Variants in ADAD2 observed in about 807,000 individuals in gnomAD.
ADAD2 encodes the protein adenosine deaminase domain-containing protein 2.
Under a neutral mutation model 54.5 loss-of-function variants are expected in ADAD2, and 60 were observed. The observed-to-expected ratio is 1.10, with a 90% CI of 0.89 to 1.36. The LOEUF is 1.36. ADAD2 is among the 40% of genes most tolerant of loss of function. ADAD2 has a pLI of 0.00. For missense variants in ADAD2, 1,103 were observed against 801.3 expected, an observed-to-expected ratio of 1.38 and a Z score of -4.54; for synonymous variants, 543 against 366.2, an observed-to-expected ratio of 1.48 and a Z score of -5.51.
chr16:84,193,807 A>G (rs1485934220), intron 1 of ADAD2: 1 of 539,076 alleles, frequency 1.9e-6, no homozygotes, highest in Non-Finnish European at 3.3e-6. Context: ...TAGAGCAGAC[A>G]GATCTCAGCG....
Position 84,194,599 on chromosome 16 carries a change from C to A in ADAD2, c.559+17C>A, listed in dbSNP as rs755143271. ...AGAACCCAGGTAATGGAGGGAGGGC[C>A]AGGCAGCTGAGCCGCAGCTGGGGAC... On this transcript the variant is annotated intron_variant, in intron 2 of 9. Coordinates refer to ENST00000315906, the MANE Select transcript of ADAD2 (RefSeq NM_001145400.2). The A allele has an allele frequency of 6.3e-7, 1 of 1,593,532 alleles. No homozygotes were observed. Among genetic ancestry groups the A allele is most frequent in the East Asian group, 2.3e-5 (1 of 44,006 alleles).
chr16:84,196,484 C>T (rs961464398), intron 8 of ADAD2, 114 bp downstream of exon 8: 31 of 606,564 alleles, frequency 5.1e-5, no homozygotes, highest in East Asian at 4.3e-4. Flanking sequence ...TCAACCCCTT[C>T]GCTCAACCCC....
intron 1 of ADAD2, chr16:84,193,799 G>C (rs574659305): frequency 9.7e-6 from 5 of 516,328 alleles, no homozygotes; most frequent in African/African-American, 7.5e-5. Context: ...TGCCTGTTTA[G>C]AGCAGACAGA....
At position 84,195,115 on chromosome 16, in the gene ADAD2, C is replaced by A; in HGVS notation, c.654C>A (p.Ala218=). The A allele has an allele frequency of 6.2e-7, 1 of 1,613,724 alleles. No individual in the cohort carries two copies. ...AGCGCTGCGCAGCGTTGGTGAGCGC[C>A]GGCTTTGACCTCCTGTTGGACGAGC... ...HEQRCAALVS[A]GFDLLLDERS... The change falls in exon 4 of 10, where the codon GCC becomes GCA. Residue 218 remains alanine, a synonymous_variant. Coordinates refer to ENST00000315906, the MANE Select transcript of ADAD2 (RefSeq NM_001145400.2).
chr16:84,196,695 G>A lies in ADAD2; in HGVS notation c.1575G>A (p.Arg525=), dbSNP rs2089735591. ...GTCTCTGCAAGGCCTCCTTTCTCCG[G>A]GCCTTTCACCAGGCGGCCAGGGCTG... ...PSRLCKASFL[R]AFHQAARAVG... is the part of the protein sequence containing the mutation. The change falls in exon 9 of 10, where the codon CGG becomes CGA. Residue 525 remains arginine, a synonymous_variant. Transcript: ENST00000315906. 2 of 1,613,238 alleles carry A rather than the reference G, an allele frequency of 1.2e-6. No homozygotes were observed. Among genetic ancestry groups the A allele is most frequent in the Non-Finnish European group, 1.7e-6 (2 of 1,179,994 alleles).
chr16:84,194,744 G>C (rs771605132), intron 2 of ADAD2, 162 bp downstream of exon 2: 1 of 1,351,260 alleles, frequency 7.4e-7, no homozygotes, highest in African/African-American at 1.4e-5. Flanking sequence ...AGCTGGGGCG[G>C]GGTACATGTG....
chr16:84,195,885 C>T lies in ADAD2; in HGVS notation c.1123C>T (p.Gln375Ter), dbSNP rs1334481461. The T allele has an allele frequency of 6.2e-7, 1 of 1,603,850 alleles. No individual in the cohort carries two copies. The highest frequency in any genetic ancestry group is 1.7e-5 in the Admixed American group (1 of 59,950). Residue 375 changes from glutamine (Q) to a stop codon, truncating the protein, a stop_gained, in exon 7 of 10, where the codon CAG (glutamine) becomes TAG (stop). Transcript: ENST00000315906. LOFTEE classifies it high-confidence loss of function. The stretch of plus-strand genomic sequence containing the variant: ...GCGCCTGCAGGCCCATGTGCTCGGG[C>T]AGCTGAAGCCTGTGTGCTACGTGGC... ...PMRLQAHVLGQLKPVCYVAPS... is the reference protein window; with the variant it reads ...PMRLQAHVLG
chr16:84,193,625 G>C (rs2089685967), intron 1 of ADAD2: 1 of 166,674 alleles, frequency 6.0e-6, no homozygotes. Flanking sequence ...GAGGCATTTG[G>C]AGATCATGTA....
In ADAD2 at chr16:84,196,239, C is replaced by G. The variant is rs770888310; in HGVS notation, c.1395C>G (p.His465Gln). ...LPPPYVRTAL[H>Q]LFAGPPVAPS... is the part of the protein sequence containing the mutation. ...CTCCCTACGTCCGGACCGCCCTGCA[C>G]CTGTTTGCAGGGCCCCCGGTGGCCC... Residue 465 changes from histidine (H) to glutamine (Q), a missense_variant, in exon 8 of 10, where the codon CAC becomes CAG. Coordinates refer to ENST00000315906, the MANE Select transcript of ADAD2 (RefSeq NM_001145400.2). 1 of 1,612,358 alleles carries G rather than the reference C, an allele frequency of 6.2e-7. No homozygotes were observed.
At chr16:84,194,040 G>A in intron 1 of ADAD2, 2 of 1,604,250 alleles carry the variant, frequency 1.2e-6, no homozygotes, top group Non-Finnish European at 8.5e-7. Context: ...CTGGAGGAGA[G>A]GAATTGAAAG....
chr16:84,195,470 C>T (rs1378227908), intron 5 of ADAD2, 24 bp downstream of exon 5: 2 of 1,606,348 alleles, frequency 1.2e-6, no homozygotes, highest in Admixed American at 1.7e-5. Flanking sequence ...GGGTGGGCGC[C>T]TGATAGCAGC....
At chr16:84,192,070 G>A (rs1479220879) in intron 1 of ADAD2, among the ~76,000 whole-genome samples, 1 of 152,228 alleles carries the variant, frequency 6.6e-6, no homozygotes, top group Non-Finnish European at 1.5e-5. Context: ...CCGTGTACAT[G>A]ATACAGAGGT....
At position 84,195,000 on chromosome 16, in the gene ADAD2, C is replaced by T; in HGVS notation, c.607+20C>T. ...GCGTAGGTAGGTGAGCATTCCCGGA[C>T]CCAGGCTTGTAGTGTCGAGGGGAGA... On this transcript the variant is annotated intron_variant, in intron 3 of 9. Coordinates refer to ENST00000315906, the MANE Select transcript of ADAD2 (RefSeq NM_001145400.2). 1.3e-6 allele frequency: 2 copies of T among 1,541,772 alleles called. No homozygotes were observed. Among genetic ancestry groups the T allele is most frequent in the Non-Finnish European group, 1.7e-6 (2 of 1,151,784 alleles).
Position 84,195,529 on chromosome 16 carries a change from G to A in ADAD2, c.885-1G>A. On this transcript the variant is annotated splice_acceptor_variant, in intron 5 of 9. Coordinates refer to ENST00000315906, the MANE Select transcript of ADAD2 (RefSeq NM_001145400.2). LOFTEE classifies it high-confidence loss of function. ...AACCACCCTGTGCCTGTCGCTCCTA[G>A]GTTCTTGTTCCGGCAGCTCCTGCTG... 6.3e-7 allele frequency: 1 copy of A among 1,599,344 alleles called. No individual in the cohort carries two copies. The highest frequency in any genetic ancestry group is 8.5e-7 in the Non-Finnish European group (1 of 1,171,912).
chr16:84,196,479 C>A, intron 8 of ADAD2, 109 bp downstream of exon 8: 1 of 607,322 alleles, frequency 1.6e-6, no homozygotes, highest in Non-Finnish European at 2.3e-6. Flanking sequence ...TTCGCTCAAC[C>A]CCTTCGCTCA....
intron 8 of ADAD2, 40 bp from the exon 9 acceptor site, chr16:84,196,607 T>C (rs761939105): frequency 6.2e-7 from 1 of 1,603,360 alleles, no homozygotes; most frequent in Non-Finnish European, 8.5e-7. Context: ...TGGTCCAGCT[T>C]GTATCTCTCT....
rs111687607 is a variant in ADAD2 at position 84,197,146 on chromosome 16, A to G, written c.*172A>G. 1.8e-5 allele frequency: 11 copies of G among 627,434 alleles called. No individual in the cohort carries two copies. The highest frequency in any genetic ancestry group is 4.2e-4 in the Middle Eastern group (1 of 2,362). The allele number at this position is 627,434 out of a possible 1,614,324, so 38.9% of individuals were successfully genotyped here. On this transcript the variant is annotated 3_prime_UTR_variant, in exon 10 of 10. Coordinates refer to ENST00000315906, the MANE Select transcript of ADAD2 (RefSeq NM_001145400.2). The stretch of plus-strand genomic sequence containing the variant: ...GGCGGCTGCTGCACGTTTGGGCTTG[A>G]ATAAAGAAGTATTTCTGGTTCCTGT...
rs1338442816 is a variant in ADAD2 at position 84,195,628 on chromosome 16, C to T, written c.983C>T (p.Thr328Ile). Residue 328 changes from threonine to isoleucine, a missense_variant, in exon 6 of 10, where the codon ACC becomes ATC. Transcript: ENST00000315906. ...CAGCCAGGGCCCGGACCCCCATTCA[C>T]CCTCAAGCCCCGCGTCTTCCTGCAC... The part of the protein sequence containing the change: ...APQPGPGPPF[T>I]LKPRVFLHLY... The T allele has an allele frequency of 6.2e-7, 1 of 1,603,652 alleles. No individual in the cohort carries two copies. The highest frequency in any genetic ancestry group is 8.5e-7 in the Non-Finnish European group (1 of 1,175,374).
Position 84,191,244 on chromosome 16 carries a change from C to G in ADAD2, c.14C>G (p.Ser5Cys). Reference protein sequence around the residue: MASASQGADDDGSRR... With the variant: MASACQGADDDGSRR... ...TCGTTGGCGGCCATGGCTTCGGCTT[C>G]TCAGGGCGCTGACGACGACGGCAGT... Residue 5 changes from serine (S) to cysteine (C), a missense_variant, in exon 1 of 10, where the codon TCT (serine) becomes TGT (cysteine). Coordinates refer to ENST00000315906, the MANE Select transcript of ADAD2 (RefSeq NM_001145400.2). 6.2e-7 allele frequency: 1 copy of G among 1,608,166 alleles called. No individual in the cohort carries two copies. The highest frequency in any genetic ancestry group is 1.1e-5 in the South Asian group (1 of 90,922).
Sources: allele counts gnomAD v4.1 joint callset (sites outside exome capture counted in the v4.1 genomes callset), GRCh38; gene constraint gnomAD v4.1.1; transcripts MANE v1.5; gene names NCBI Gene and HGNC (gene_info 2026-07-23, HGNC 2026-07-21).